The following CYTH2 variants were observed in gnomAD, a reference collection of about 807,000 sequenced individuals.
CYTH2 encodes the protein cytohesin 2, also known as cytohesin-2.
CYTH2 carries 24 observed loss-of-function variants against 55.4 expected under a neutral mutation model. The observed-to-expected ratio is 0.43, with a 90% CI of 0.31 to 0.61. CYTH2 has a LOEUF of 0.61. Ranked by LOEUF, CYTH2 falls within the 20% of genes least tolerant of loss-of-function variation. The pLI is 0.08. For synonymous variants in CYTH2, 221 were observed against 209.6 expected, an observed-to-expected ratio of 1.05 and a Z score of -0.47; for missense variants, 378 against 533.5, an observed-to-expected ratio of 0.71 and a Z score of 2.87.
chr19:48,470,306 C>T, intron 1 of CYTH2, 47 bp from the exon 2 acceptor site: 1 of 1,551,748 alleles, frequency 6.4e-7, no homozygotes. Context: ...GGAATTCAGG[C>T]TCACGGCCCC....
chr19:48,476,114 C>T (rs1476045273), intron 8 of CYTH2: 11 of 470,310 alleles, frequency 2.3e-5, no homozygotes, highest in Admixed American at 1.8e-4. Flanking sequence ...ACCACCTCAA[C>T]AGATGCCAGG....
Position 48,472,316 on chromosome 19 carries a change from A to T in CYTH2, c.235-9A>T, listed in dbSNP as rs1485266420. The stretch of plus-strand genomic sequence containing the variant: ...CCCTCAGCACTGAGACCTTGTCCCC[A>T]CCCACCAGGGGATCCAGTTCTTGGT... On this transcript the variant is annotated splice_polypyrimidine_tract_variant and intron_variant, in intron 3 of 11. Transcript: ENST00000452733. 2 of 1,612,820 alleles carry T rather than the reference A, an allele frequency of 1.2e-6. No individual in the cohort carries two copies. The highest frequency in any genetic ancestry group is 8.5e-7 in the Non-Finnish European group (1 of 1,179,526).
rs1450500114 is a variant in CYTH2 at position 48,478,741 on chromosome 19, G to C, written c.1112+149G>C. On this transcript the variant is annotated intron_variant, in intron 11 of 11. Coordinates refer to ENST00000452733, the MANE Select transcript of CYTH2 (RefSeq NM_004228.7). Reference sequence around the variant, plus strand: ...TGGGTCTGACGGAGGAGGGGCTGGGGCCTGGACTCCTGGGTCTGACGGAGG... The same window carrying C: ...TGGGTCTGACGGAGGAGGGGCTGGGCCCTGGACTCCTGGGTCTGACGGAGG... 1.2e-5 allele frequency: 12 copies of C among 974,014 alleles called. No individual in the cohort carries two copies. In the South Asian group the frequency reaches 1.9e-4, roughly 15 times the overall value. 60.3% of individuals were successfully genotyped at this position (974,014 alleles called of 1,614,324 possible).
At chr19:48,470,252 C>T (rs1971763108) in intron 1 of CYTH2, 101 bp from the exon 2 acceptor site, 3 of 1,474,028 alleles carry the variant, frequency 2.0e-6, no homozygotes, top group African/African-American at 1.4e-5. Context: ...ACATAGGAAG[C>T]CCCTTACACA....
rs146970497 is a variant in CYTH2 at position 48,472,347 on chromosome 19, A to G, written c.257A>G (p.Asn86Ser). 4.3e-5 allele frequency: 70 copies of G among 1,613,854 alleles called. No homozygotes were observed. The Middle Eastern group carries it at 8.3e-4, about 19-fold the overall frequency. ...CAGGGGATCCAGTTCTTGGTGGAGA[A>G]TGAACTGCTGCAGAACACACCCGAG... ...PKKGIQFLVENELLQNTPEEI... is the reference protein window; with the variant it reads ...PKKGIQFLVESELLQNTPEEI... The change falls in exon 4 of 12, where the codon AAT (asparagine) becomes AGT (serine). Residue 86 changes from asparagine to serine, a missense_variant. Transcript: ENST00000452733.
rs1340756259 is a variant in CYTH2 at position 48,478,625 on chromosome 19, G to A, written c.1112+33G>A. On this transcript the variant is annotated intron_variant, in intron 11 of 11. Transcript: ENST00000452733. The stretch of plus-strand genomic sequence containing the variant: ...TGGACTCCTGGGCCTGATGGAGGAG[G>A]GGCTGGGGCCTGGACTCCTGGGTCT... 2.6e-6 allele frequency: 4 copies of A among 1,514,286 alleles called. No individual in the cohort carries two copies. In the Admixed American group the frequency reaches 5.5e-5, roughly 21 times the overall value. The allele number at this position is 1,514,286 out of a possible 1,614,324, so 93.8% of individuals were successfully genotyped here.
Position 48,472,501 on chromosome 19 carries a change from C to G in CYTH2, c.353+58C>G, listed in dbSNP as rs1408889159. The G allele has an allele frequency of 3.6e-6, 5 of 1,378,708 alleles. No homozygotes were observed. The Admixed American group carries it at 7.8e-5, about 22-fold the overall frequency. 85.4% of individuals were successfully genotyped at this position (1,378,708 alleles called of 1,614,324 possible). A position where few individuals can be genotyped will look rare whatever the true frequency, so the allele number is the denominator to read the frequency against. On this transcript the variant is annotated intron_variant, in intron 4 of 11. Coordinates refer to ENST00000452733, the MANE Select transcript of CYTH2 (RefSeq NM_004228.7). Reference sequence around the variant, plus strand: ...TCCCTCCCACCCCCCAGACCCAGCTCCTGCCCTCACACTGGCAGCTCACAG... The same window carrying G: ...TCCCTCCCACCCCCCAGACCCAGCTGCTGCCCTCACACTGGCAGCTCACAG...
In CYTH2 at chr19:48,474,839, A is replaced by C; in HGVS notation, c.698A>C (p.Asn233Thr). The C allele has an allele frequency of 6.2e-7, 1 of 1,614,054 alleles. No homozygotes were observed. Among genetic ancestry groups the C allele is most frequent in the Non-Finnish European group, 8.5e-7 (1 of 1,179,986 alleles). The change falls in exon 8 of 12, where the codon AAC (asparagine) becomes ACC (threonine). Residue 233 changes from asparagine (N) to threonine (T), a missense_variant and splice_region_variant. By Grantham distance (65) the Asn-to-Thr change is moderately conservative (BLOSUM62 0). Transcript: ENST00000452733. This position sits in a 1 kb window ranked among gnomAD's most constrained non-coding sequence, Gnocchi z 4.9. ...GGDLPEELLR[N>T]LYDSIRNEPF... ...GCTAATGCAGCCTTTACTCCTCAGA[A>C]CCTGTACGACAGCATCCGAAATGAG...
chr19:48,481,531 G>A lies in CYTH2; in HGVS notation c.*2321G>A, dbSNP rs1279577317. On this transcript the variant is annotated 3_prime_UTR_variant, in exon 12 of 12. Coordinates refer to ENST00000452733, the MANE Select transcript of CYTH2 (RefSeq NM_004228.7). ...TTTTGTTTTGTTTTGTTTTGTTTTT[G>A]AGAGGGAGTCTCACTTTGTGCCCTA... is the stretch of plus-strand genomic sequence containing the variant. 1 of 170,570 alleles carries A rather than the reference G, an allele frequency of 5.9e-6. No individual in the cohort carries two copies. The highest frequency in any genetic ancestry group is 2.5e-5 in the African/African-American group (1 of 39,268). The allele number at this position is 170,570 out of a possible 1,614,324, so 10.6% of individuals were successfully genotyped here.
Position 48,478,432 on chromosome 19 carries a change from C to G in CYTH2, c.958-6C>G. 1 of 1,613,628 alleles carries G rather than the reference C, an allele frequency of 6.2e-7. No homozygotes were observed. Among genetic ancestry groups the G allele is most frequent in the East Asian group, 2.2e-5 (1 of 44,848 alleles). On this transcript the variant is annotated splice_region_variant and splice_polypyrimidine_tract_variant and intron_variant, in intron 10 of 11. Coordinates refer to ENST00000452733, the MANE Select transcript of CYTH2 (RefSeq NM_004228.7). ...CTTACCTGCGCCCTTCCTCTCTCGT[C>G]CCCAGAACTGCTTTGAACTTTACAT...
In CYTH2 at chr19:48,479,453, C is replaced by G. The variant is rs1387182083; in HGVS notation, c.*243C>G. 5 of 464,906 alleles carry G rather than the reference C, an allele frequency of 1.1e-5. No homozygotes were observed. The highest frequency in any genetic ancestry group is 2.0e-5 in the Non-Finnish European group (5 of 255,962). 28.8% of individuals were successfully genotyped at this position (464,906 alleles called of 1,614,324 possible). A position where few individuals can be genotyped will look rare whatever the true frequency, so the allele number is the denominator to read the frequency against. On this transcript the variant is annotated 3_prime_UTR_variant, in exon 12 of 12. Transcript: ENST00000452733. ...GGTGCTCCGTGGAGCCAGCCTGTTT[C>G]CCTGGACAGGGGCCTGGACCCGCCT... is the stretch of plus-strand genomic sequence containing the variant.
chr19:48,472,878 C>T (rs540711320), intron 4 of CYTH2: 50 of 314,504 alleles, frequency 1.6e-4, no homozygotes, highest in Non-Finnish European at 2.0e-4. Flanking sequence ...GACTGGACAT[C>T]AGATGATTGG....
chr19:48,478,934 C>T (rs1460715461), intron 11 of CYTH2, among the ~76,000 whole-genome samples, 189 bp from the exon 12 acceptor site: 1 of 131,582 alleles, frequency 7.6e-6, no homozygotes, highest in Non-Finnish European at 1.6e-5. Context: ...GGCCTGGACT[C>T]CTGGGTCTGA....
chr19:48,479,062 G>A, intron 11 of CYTH2, 61 bp from the exon 12 acceptor site: 1 of 1,558,112 alleles, frequency 6.4e-7, no homozygotes. Context: ...GGGTATGAGG[G>A]AGGAGGGGCT....
chr19:48,470,478 G>T lies in CYTH2; in HGVS notation c.145G>T (p.Gly49Trp). Residue 49 changes from glycine to tryptophan, a missense_variant, in exon 2 of 12, where the codon GGG becomes TGG. By Grantham distance (184) the Gly-to-Trp change is radical (BLOSUM62 -2). Coordinates refer to ENST00000452733, the MANE Select transcript of CYTH2 (RefSeq NM_004228.7). ...CAGTGAAGCCATGAGCGAGGTGGAG[G>T]GGCTGGAGGCCAATGAGGGCAGGTG... ...ELSEAMSEVE[G>W]LEANEGSKTL... is the part of the protein sequence containing the mutation. The T allele has an allele frequency of 6.2e-7, 1 of 1,614,032 alleles. No homozygotes were observed.
At chr19:48,470,255 C>T in intron 1 of CYTH2, 98 bp from the exon 2 acceptor site, 2 of 1,499,138 alleles carry the variant, frequency 1.3e-6, no homozygotes, top group East Asian at 2.3e-5. Flanking sequence ...TAGGAAGCCC[C>T]TTACACATCC....
rs1971874567 is a variant in CYTH2, at chr19:48,474,721, A to G, written c.697-117A>G. On this transcript the variant is annotated intron_variant, in intron 7 of 11. Transcript: ENST00000452733. The surrounding 1 kb of genome is among the most constrained non-coding windows in gnomAD (Gnocchi z 4.9). The stretch of plus-strand genomic sequence containing the variant: ...CTTTCACTTCCCTCTCCTCCCCACT[A>G]CCCCTCTCTCTTCCCCACTATGAGT... The G allele has an allele frequency of 4.9e-6, 4 of 812,334 alleles. No homozygotes were observed. The highest frequency in any genetic ancestry group is 8.1e-6 in the Non-Finnish European group (4 of 494,992). 50.3% of individuals were successfully genotyped at this position (812,334 alleles called of 1,614,324 possible).
intron 5 of CYTH2, 119 bp downstream of exon 5, chr19:48,473,497 A>T: frequency 9.9e-7 from 1 of 1,012,594 alleles, no homozygotes; most frequent in Non-Finnish European, 1.5e-6. Context: ...AACAAAAACT[A>T]GGGAACTGAG....
In CYTH2 at chr19:48,481,491, GT is replaced by G. The variant is rs35979886; in HGVS notation, c.*2292del. ...AGCACGCTTCTGATTTTTTTTGTAG[GT>G]TTTTTTTTTTGTTTTTTGTTTTGTT... On this transcript the variant is annotated 3_prime_UTR_variant, in exon 12 of 12. Coordinates refer to ENST00000452733, the MANE Select transcript of CYTH2 (RefSeq NM_004228.7). 2.0e-3 allele frequency: 334 copies of G among 167,302 alleles called. 1 individual carries two copies. Among genetic ancestry groups the G allele is most frequent in the Middle Eastern group, 8.5e-3 (3 of 354 alleles). The allele number at this position is 167,302 out of a possible 1,614,324, so 10.4% of individuals were successfully genotyped here.
Sources: gnomAD v4.1 joint callset for allele counts (sites outside exome capture counted in the v4.1 genomes callset) on GRCh38, gnomAD v4.1.1 for gene constraint, Gnocchi (gnomAD v3.1) non-coding constraint, MANE v1.5 for transcripts, NCBI Gene and HGNC (gene_info 2026-07-23, HGNC 2026-07-21) for gene names.